Variants in PACS1 observed in about 807,000 individuals in gnomAD.
PACS1 encodes PACS-1.
PACS1 carries 24 observed loss-of-function variants against 115.0 expected under a neutral mutation model. The ratio of observed to expected loss-of-function variants is 0.21; its 90% confidence interval spans 0.15 to 0.29. PACS1 has a LOEUF of 0.29. PACS1 is among the 10% of genes least tolerant of loss of function. PACS1 has a pLI of 1.00. For synonymous variants in PACS1, 453 were observed against 504.5 expected, an observed-to-expected ratio of 0.90 and a Z score of 1.37; for missense variants, 838 against 1,251.2, an observed-to-expected ratio of 0.67 and a Z score of 4.98.
chr11:66,107,577 T>A (rs2134540464), intron 1 of PACS1, among the ~76,000 whole-genome samples: 2 of 152,264 alleles, frequency 1.3e-5, no homozygotes, highest in South Asian at 4.1e-4. Context: ...TGGTAAATAT[T>A]TGTTGAATGA....
chr11:66,090,005 C>CAAAAAAA (rs33912143), intron 1 of PACS1, among the ~76,000 whole-genome samples: 39 of 80,338 alleles, frequency 4.9e-4, no homozygotes, highest in Non-Finnish European at 6.1e-4. Flanking sequence ...GACTCCATCT[C>CAAAAAAA]AAAAAAAAAA....
chr11:66,132,597 TAAAC>T (rs1287088700), intron 1 of PACS1, among the ~76,000 whole-genome samples: 1 of 151,976 alleles, frequency 6.6e-6, no homozygotes, highest in Admixed American at 6.5e-5. Context: ...ATTTAGGGAA[TAAAC>T]AAGAAAAAAA....
At chr11:66,118,860 A>AT (rs1281997395) in intron 1 of PACS1, among the ~76,000 whole-genome samples, 1 of 151,828 alleles carries the variant, frequency 6.6e-6, no homozygotes, top group Non-Finnish European at 1.5e-5. Context: ...CTTCCCAAAT[A>AT]TTTTTTTGAG....
chr11:66,210,524 A>G (rs1477646028), intron 3 of PACS1, 73 bp downstream of exon 3: 4 of 1,087,000 alleles, frequency 3.7e-6, no homozygotes, highest in Non-Finnish European at 5.7e-6. Context: ...TCTAACCCAG[A>G]GACTGTTTTA....
intron 2 of PACS1, among the ~76,000 whole-genome samples, chr11:66,195,249 T>C (rs1255595906): frequency 1.3e-5 from 2 of 152,198 alleles, no homozygotes; most frequent in Non-Finnish European, 2.9e-5. Flanking sequence ...ATGTTTTAAT[T>C]ACTCATGAAT....
Position 66,231,998 on chromosome 11 carries a change from C to T in PACS1, c.1627-174C>T, listed in dbSNP as rs1010219514. The T allele has an allele frequency of 3.5e-5, 20 of 574,452 alleles. No individual in the cohort carries two copies. In the South Asian group the frequency reaches 3.8e-4, roughly 11 times the overall value. The allele number at this position is 574,452 out of a possible 1,614,324, so 35.6% of individuals were successfully genotyped here. A position where few individuals can be genotyped will look rare whatever the true frequency, so the allele number is the denominator to read the frequency against. On this transcript the variant is annotated intron_variant, in intron 13 of 23. Transcript: ENST00000320580. ...AGGACTCGCTTTGCTGCTTCTTTCT[C>T]CTCCTTTCCATCGTGGTCTGGCCAG...
chr11:66,178,532 A>T (rs147745496), intron 1 of PACS1, among the ~76,000 whole-genome samples: 4 of 152,138 alleles, frequency 2.6e-5, no homozygotes, highest in Non-Finnish European at 5.9e-5. Flanking sequence ...TTCCTGTTTT[A>T]TGGTGGATTA....
Position 66,241,575 on chromosome 11 carries a change from C to A in PACS1, c.2578C>A (p.Arg860Ser). Residue 860 changes from arginine to serine, a missense_variant, in exon 22 of 24, where the codon CGC (arginine) becomes AGC (serine). By Grantham distance (110) the Arg-to-Ser change is moderately radical. Transcript: ENST00000320580. The part of the protein sequence containing the change: ...KSVFRSVQVS[R>S]LPHSGEAQLS... The stretch of plus-strand genomic sequence containing the variant: ...TGTCTTCCGCTCAGTGCAGGTGTCC[C>A]GCCTGCCCCATAGTGGGGAGGCCCA... The A allele has an allele frequency of 6.2e-7, 1 of 1,614,188 alleles. No homozygotes were observed. The highest frequency in any genetic ancestry group is 8.5e-7 in the Non-Finnish European group (1 of 1,180,024).
At chr11:66,202,209 C>G (rs1196625585) in intron 2 of PACS1, among the ~76,000 whole-genome samples, 1 of 152,056 alleles carries the variant, frequency 6.6e-6, no homozygotes, top group Non-Finnish European at 1.5e-5. Flanking sequence ...CCTGAATAGA[C>G]CAATAACAAA....
At position 66,120,148 on chromosome 11, in the gene PACS1, C is replaced by CTTT. The variant is rs367965167; in HGVS notation, c.356+49321_356+49323dup. Among the ~76,000 whole-genome samples, 405 of 135,212 alleles carry CTTT rather than the reference C, an allele frequency of 3.0e-3. 9 individuals carry two copies. Among genetic ancestry groups the CTTT allele is most frequent in the Admixed American group, 5.0e-3 (66 of 13,288 alleles). 88.7% of individuals were successfully genotyped at this position (135,212 alleles called of 152,430 possible). A position where few individuals can be genotyped will look rare whatever the true frequency, so the allele number is the denominator to read the frequency against. On this transcript the variant is annotated intron_variant, in intron 1 of 23. Coordinates refer to ENST00000320580, the MANE Select transcript of PACS1 (RefSeq NM_018026.4). ...ACTGTGAAAATTATGTCTGTGAACTCTTTTTTTTTTTTTTTTTGAGACAGA... is the reference window on the plus strand; with the variant it reads ...ACTGTGAAAATTATGTCTGTGAACTCTTTTTTTTTTTTTTTTTTTTGAGACAGA...
intron 1 of PACS1, among the ~76,000 whole-genome samples, chr11:66,168,485 G>A (rs939897414): frequency 6.7e-6 from 1 of 150,334 alleles, no homozygotes; most frequent in African/African-American, 2.5e-5. Context: ...GAACCAGGCT[G>A]CCTGGTTTCA....
intron 1 of PACS1, among the ~76,000 whole-genome samples, chr11:66,118,067 G>A (rs1398221637): frequency 1.3e-5 from 2 of 152,218 alleles, no homozygotes; most frequent in African/African-American, 2.4e-5. Context: ...ACATGTGGGG[G>A]TCATTTTAAA....
intron 11 of PACS1, among the ~76,000 whole-genome samples, chr11:66,228,259 T>C (rs1273098566): frequency 1.3e-5 from 2 of 151,800 alleles, no homozygotes; most frequent in Non-Finnish European, 2.9e-5. Context: ...GCAGGACCCT[T>C]GTGGGGAAGG....
At chr11:66,219,521 G>C (rs1379130490) in intron 7 of PACS1, 1 of 673,458 alleles carries the variant, frequency 1.5e-6, no homozygotes, top group Admixed American at 2.0e-5. Context: ...AGGACCTGGG[G>C]ATAGACATTC....
intron 1 of PACS1, among the ~76,000 whole-genome samples, chr11:66,191,421 C>T (rs1854519456): frequency 6.6e-6 from 1 of 152,170 alleles, no homozygotes; most frequent in African/African-American, 2.4e-5. Flanking sequence ...TAGGAGATGA[C>T]ATCTGGGTGG....
At chr11:66,238,361 C>T (rs1855744513) in intron 19 of PACS1, 2 of 984,762 alleles carry the variant, frequency 2.0e-6, no homozygotes, top group South Asian at 4.7e-5. Context: ...GCCTTCAGCC[C>T]TTTATCCCCA....
chr11:66,183,898 A>T (rs898829840), intron 1 of PACS1, among the ~76,000 whole-genome samples: 1 of 152,204 alleles, frequency 6.6e-6, no homozygotes, highest in African/African-American at 2.4e-5. Context: ...GGAAAGGAGT[A>T]GTGACATCTG....
rs993011293 is a variant in PACS1, at chr11:66,235,211, G to A, written c.2105-90G>A. On this transcript the variant is annotated intron_variant, in intron 17 of 23. Coordinates refer to ENST00000320580, the MANE Select transcript of PACS1 (RefSeq NM_018026.4). This position sits in a 1 kb window ranked among gnomAD's most constrained non-coding sequence, Gnocchi z 5.6. ...TTCACTCAACTCCTAGAGTCTGACG[G>A]GTCTCAGGAAGGGATCCCTCTCCGA... 2.3e-6 allele frequency: 2 copies of A among 887,356 alleles called. No individual in the cohort carries two copies. Among genetic ancestry groups the A allele is most frequent in the African/African-American group, 3.3e-5 (2 of 61,144 alleles). 55.0% of individuals were successfully genotyped at this position (887,356 alleles called of 1,614,324 possible).
intron 2 of PACS1, among the ~76,000 whole-genome samples, chr11:66,202,418 C>T (rs1854821590): frequency 5.3e-5 from 8 of 152,080 alleles, no homozygotes. Flanking sequence ...CTGATGACCA[C>T]TGATACAAAA....
Sources: allele counts gnomAD v4.1 joint callset (sites outside exome capture counted in the v4.1 genomes callset), GRCh38; gene constraint gnomAD v4.1.1; non-coding constraint Gnocchi (gnomAD v3.1); transcripts MANE v1.5; gene names NCBI Gene and HGNC (gene_info 2026-07-23, HGNC 2026-07-21).